PCDHA4: variants seen among roughly 807,000 people sequenced by gnomAD.
PCDHA4 encodes the protein protocadherin alpha-4.
Under a neutral mutation model 61.4 loss-of-function variants are expected in PCDHA4, and 49 were observed. That is an observed-to-expected ratio of 0.80 (90% CI 0.63 to 1.01). The LOEUF (loss-of-function observed/expected upper bound fraction) is 1.01, where lower values mean the gene tolerates loss of function less well. Among genes scored for constraint, PCDHA4 ranks in the 50% least tolerant of loss-of-function variants. The probability of loss-of-function intolerance (pLI) is 0.00; values close to 1 mark genes in which losing one functional copy is unlikely to be tolerated. For synonymous variants in PCDHA4, 590 were observed against 550.3 expected (o/e 1.07, Z -1.01); for missense variants, 1,254 against 1,235.8 (o/e 1.01, Z -0.22).
At position 141,010,411 on chromosome 5, in the gene PCDHA4, G is replaced by A. The variant is rs1215041869; in HGVS notation, c.*474G>A. On this transcript the variant is annotated 3_prime_UTR_variant, in exon 4 of 4. Coordinates refer to ENST00000530339, the MANE Select transcript of PCDHA4 (RefSeq NM_018907.4). Reference sequence around the variant, plus strand: ...TGAGACGAGCCAGCTTAGACTAATTGGTACAAGGAAGGCAAGAAAACAAAG... The same window carrying A: ...TGAGACGAGCCAGCTTAGACTAATTAGTACAAGGAAGGCAAGAAAACAAAG... The A allele has an allele frequency of 8.2e-7, 1 of 1,224,354 alleles. No individual in the cohort carries two copies. Among genetic ancestry groups the A allele is most frequent in the Admixed American group, 2.9e-5 (1 of 35,038 alleles). 75.8% of individuals were successfully genotyped at this position (1,224,354 alleles called of 1,614,324 possible).
intron 1 of PCDHA4, among the ~76,000 whole-genome samples, chr5:140,961,280 C>T (rs246003): frequency 7.2e-5 from 11 of 152,104 alleles, no homozygotes; most frequent in Non-Finnish European, 1.0e-4. Flanking sequence ...TACCATGGCT[C>T]TGTTTCTTGA....
intron 3 of PCDHA4, among the ~76,000 whole-genome samples, chr5:141,000,496 C>T (rs1257530549): frequency 7.4e-6 from 1 of 134,362 alleles, no homozygotes; most frequent in Non-Finnish European, 1.5e-5. Context: ...GGTAAGATCT[C>T]GGCTCACTGC....
At position 140,858,109 on chromosome 5, in the gene PCDHA4, C is replaced by G. The variant is rs782526722; in HGVS notation, c.2385+48537C>G. 17 of 1,597,646 alleles carry G rather than the reference C, an allele frequency of 1.1e-5. 1 individual carries two copies. The highest frequency in any genetic ancestry group is 1.2e-5 in the Non-Finnish European group (14 of 1,167,662). ...CGCGGGCTTCAGTGGGCGTGGCGCC[C>G]GAGGTGGCCCTGGTGGATGTCAACG... On this transcript the variant is annotated intron_variant, in intron 1 of 3. Transcript: ENST00000530339.
At chr5:140,848,437 A>C in intron 1 of PCDHA4, 1 of 1,473,718 alleles carries the variant, frequency 6.8e-7, no homozygotes, top group Non-Finnish European at 9.3e-7. Context: ...ACGAAATCAG[A>C]TGATTTCTTC....
At chr5:140,995,214 CTCT>C (rs1563606225) in intron 3 of PCDHA4, among the ~76,000 whole-genome samples, 1 of 152,136 alleles carries the variant, frequency 6.6e-6, no homozygotes, top group East Asian at 1.9e-4. Flanking sequence ...AGGCACAATA[CTCT>C]TGTGCTTTGG....
chr5:140,990,729 C>G (rs2097409512), intron 3 of PCDHA4, among the ~76,000 whole-genome samples: 1 of 152,134 alleles, frequency 6.6e-6, no homozygotes, highest in Non-Finnish European at 1.5e-5. Flanking sequence ...CTAGGTATAT[C>G]AACAGCCCTA....
intron 3 of PCDHA4, chr5:140,988,926 A>C (rs562175503): frequency 6.6e-6 from 1 of 152,238 alleles, no homozygotes; most frequent in Non-Finnish European, 1.5e-5. Flanking sequence ...ATAGAACAAC[A>C]CTGTTCTCTT....
At chr5:140,881,042 G>A (rs2058565950) in intron 1 of PCDHA4, among the ~76,000 whole-genome samples, 1 of 152,208 alleles carries the variant, frequency 6.6e-6, no homozygotes, top group Non-Finnish European at 1.5e-5. Context: ...TTCCTATAGA[G>A]TTGTGCACAG....
chr5:140,887,196 A>T (rs180902279), intron 1 of PCDHA4, among the ~76,000 whole-genome samples: 49 of 151,316 alleles, frequency 3.2e-4, no homozygotes, highest in African/African-American at 1.1e-3. Context: ...TCCCGGGTTC[A>T]CGCCATTCTC....
intron 3 of PCDHA4, among the ~76,000 whole-genome samples, chr5:141,000,216 T>C (rs665221): frequency 1.3e-5 from 2 of 151,640 alleles, no homozygotes; most frequent in East Asian, 1.9e-4. Flanking sequence ...CATTATCAAA[T>C]GCCTGTGTGG....
rs556069691 is a variant in PCDHA4 at position 140,951,526 on chromosome 5, G to A, written c.2386-27423G>A. Among the ~76,000 whole-genome samples the A allele has an allele frequency of 7.4e-4, 112 of 152,076 alleles. 1 individual carries two copies. The highest frequency in any genetic ancestry group is 2.6e-3 in the African/African-American group (107 of 41,516). ...GGAAAGCGGCTCATCTTACATGGCC[G>A]GTGCAGGAGCAAGGGACGGGGGGAA... is the stretch of plus-strand genomic sequence containing the variant. On this transcript the variant is annotated intron_variant, in intron 1 of 3. Transcript: ENST00000530339.
chr5:140,925,151 T>G (rs1378736882), intron 1 of PCDHA4, among the ~76,000 whole-genome samples: 3 of 151,748 alleles, frequency 2.0e-5, no homozygotes, highest in African/African-American at 7.3e-5. Context: ...ACACAAAAGT[T>G]GAGAGAATTG....
At chr5:140,873,693 C>T (rs1554166841) in intron 1 of PCDHA4, among the ~76,000 whole-genome samples, 1 of 152,156 alleles carries the variant, frequency 6.6e-6, no homozygotes, top group Non-Finnish European at 1.5e-5. Context: ...TAGAGTCTTG[C>T]TCTATCACCC....
At chr5:140,833,054 T>G (rs1193790961) in intron 1 of PCDHA4, among the ~76,000 whole-genome samples, 1 of 152,118 alleles carries the variant, frequency 6.6e-6, no homozygotes. Context: ...AGAAAAGTAA[T>G]ATGAGAAAAA....
Position 140,851,168 on chromosome 5 carries a change from A to G in PCDHA4, c.2385+41596A>G, listed in dbSNP as rs899165006. 39 of 1,280,680 alleles carry G rather than the reference A, an allele frequency of 3.0e-5. 2 individuals are homozygous for G. Among genetic ancestry groups the G allele is most frequent in the Admixed American group, 1.3e-4 (4 of 31,186 alleles). The allele number at this position is 1,280,680 out of a possible 1,614,324, so 79.3% of individuals were successfully genotyped here. On this transcript the variant is annotated intron_variant, in intron 1 of 3. Transcript: ENST00000530339. ...ATTGAATTTCTGATGCTATGCTGCC[A>G]TAACACTTGAAAACCAATTTAGTTG...
intron 1 of PCDHA4, chr5:140,860,694 G>T (rs1263105739): frequency 2.6e-5 from 4 of 152,196 alleles, no homozygotes; most frequent in African/African-American, 7.2e-5. Context: ...TGAGCGACAG[G>T]ATATTGTTGT....
intron 1 of PCDHA4, among the ~76,000 whole-genome samples, chr5:140,940,729 C>G (rs545285188): frequency 8.9e-4 from 136 of 152,326 alleles, no homozygotes; most frequent in African/African-American, 3.2e-3. Context: ...TTCAGCTGGA[C>G]AGCTCCATAT....
intron 1 of PCDHA4, among the ~76,000 whole-genome samples, chr5:140,840,023 C>T (rs1776518555): frequency 6.6e-6 from 1 of 151,996 alleles, no homozygotes; most frequent in African/African-American, 2.4e-5. Flanking sequence ...CTCATGGTCA[C>T]GTAGCGTATC....
intron 1 of PCDHA4, among the ~76,000 whole-genome samples, chr5:140,975,516 G>A (rs1310855349): frequency 6.6e-6 from 1 of 152,284 alleles, no homozygotes; most frequent in South Asian, 2.1e-4. Flanking sequence ...TGCAAAATCT[G>A]CAGTGGATAT....
Sources: gnomAD v4.1 joint callset for allele counts (sites outside exome capture counted in the v4.1 genomes callset) on GRCh38, gnomAD v4.1.1 for gene constraint, MANE v1.5 for transcripts, NCBI Gene and HGNC (gene_info 2026-07-23, HGNC 2026-07-21) for gene names.